The following SYN2 variants were observed in gnomAD, a reference collection of about 807,000 sequenced individuals.
The protein encoded by SYN2 is synapsin-2.
In SYN2, 19 loss-of-function variants were observed where a neutral mutation model predicts 50.9. The observed-to-expected ratio is 0.37, with a 90% CI of 0.26 to 0.55. The LOEUF (loss-of-function observed/expected upper bound fraction) is 0.55. Ranked by LOEUF, SYN2 falls within the 20% of genes least tolerant of loss-of-function variation. The pLI, the probability that SYN2 is intolerant of heterozygous loss-of-function variation, is 0.81. For missense variants in SYN2, 587 were observed against 576.4 expected (o/e 1.02, Z -0.19); for synonymous variants, 255 against 224.9 (o/e 1.13, Z -1.20).
intron 5 of SYN2, chr3:12,153,744 G>A (rs779386285): frequency 1.8e-5 from 29 of 1,610,036 alleles, no homozygotes; most frequent in African/African-American, 8.0e-5. Flanking sequence ...ATTAAAGTGA[G>A]TAGGGTGTCC....
Position 12,004,873 on chromosome 3 carries a change from G to C in SYN2, c.322G>C (p.Ala108Pro). The C allele has an allele frequency of 1.8e-6, 1 of 571,252 alleles. No homozygotes were observed. The highest frequency in any genetic ancestry group is 3.1e-6 in the Non-Finnish European group (1 of 319,152). The allele number at this position is 571,252 out of a possible 1,614,324, so 35.4% of individuals were successfully genotyped here. The change falls in exon 1 of 13, where the codon GCA (alanine) becomes CCA (proline). Residue 108 changes from alanine (A) to proline (P), a missense_variant. Ala to Pro is a conservative substitution (Grantham distance 27). Coordinates refer to ENST00000621198, the MANE Select transcript of SYN2 (RefSeq NM_133625.6). ...GGTGGACGCGCCCGCTCCCGCGCCC[G>C]CAGCCGCCAGGAAGGCCAAGGTGCT... ...GLVDAPAPAP[A>P]AARKAKVLLV...
Position 12,140,933 on chromosome 3 carries a change from G to A in SYN2, c.435+225G>A, listed in dbSNP as rs142925363. 3.4e-3 allele frequency among the ~76,000 whole-genome samples: 524 copies of A among 152,218 alleles called. 3 individuals are homozygous for A. Among genetic ancestry groups the A allele is most frequent in the African/African-American group, 0.012 (491 of 41,530 alleles). On this transcript the variant is annotated intron_variant, in intron 2 of 12. Transcript: ENST00000621198. ...TCTCTGATTCCTTTTTATGGCTCTAGTGTCTGTAGATGAGCAAGCAGTTTG... is the reference window on the plus strand; with the variant it reads ...TCTCTGATTCCTTTTTATGGCTCTAATGTCTGTAGATGAGCAAGCAGTTTG...
Position 12,103,444 on chromosome 3 carries a change from T to C in SYN2, c.378-37207T>C, listed in dbSNP as rs1425982558. ...CAATTAAAATTCTGGATTTTAGCAATAGATGTCAGTCTAAAGGGGGATGAT... is the reference window on the plus strand; with the variant it reads ...CAATTAAAATTCTGGATTTTAGCAACAGATGTCAGTCTAAAGGGGGATGAT... On this transcript the variant is annotated intron_variant, in intron 1 of 12. Transcript: ENST00000621198. Among the ~76,000 whole-genome samples, 3 of 152,284 alleles carry C rather than the reference T, an allele frequency of 2.0e-5. No homozygotes were observed. In the East Asian group the frequency reaches 5.8e-4, roughly 29 times the overall value.
chr3:12,046,394 TTG>T (rs1160855932), intron 1 of SYN2, among the ~76,000 whole-genome samples: 1 of 151,962 alleles, frequency 6.6e-6, no homozygotes, highest in Non-Finnish European at 1.5e-5. Context: ...AGACATTTCT[TTG>T]TGACTGGAAT....
intron 1 of SYN2, among the ~76,000 whole-genome samples, chr3:12,043,241 C>G (rs930934521): frequency 6.6e-6 from 1 of 152,078 alleles, no homozygotes; most frequent in Non-Finnish European, 1.5e-5. Flanking sequence ...CCAGGCTGGT[C>G]TCGAGCGCCT....
chr3:12,055,492 T>C (rs1694967926), intron 1 of SYN2, among the ~76,000 whole-genome samples: 1 of 152,178 alleles, frequency 6.6e-6, no homozygotes, highest in Admixed American at 6.5e-5. Context: ...AAATAATGGA[T>C]TTCCTTGCAT....
chr3:12,037,560 G>A (rs1212631419), intron 1 of SYN2, among the ~76,000 whole-genome samples: 1 of 152,230 alleles, frequency 6.6e-6, no homozygotes, highest in African/African-American at 2.4e-5. Context: ...GTGAGAGAGA[G>A]TGTGAGCACA....
intron 1 of SYN2, among the ~76,000 whole-genome samples, chr3:12,006,062 T>G (rs985965727): frequency 6.7e-6 from 1 of 148,726 alleles, no homozygotes; most frequent in African/African-American, 2.5e-5. Flanking sequence ...CCAGGAGGGG[T>G]GCACAGAGAG....
chr3:12,078,364 A>G (rs578180920), intron 1 of SYN2, among the ~76,000 whole-genome samples: 58 of 151,394 alleles, frequency 3.8e-4, no homozygotes, highest in Middle Eastern at 3.4e-3. Context: ...TGCTTTCATC[A>G]TGACATCTTT....
At chr3:12,188,042 A>G (rs566439277) in intron 12 of SYN2, among the ~76,000 whole-genome samples, 10 of 152,180 alleles carry the variant, frequency 6.6e-5, no homozygotes. Flanking sequence ...AAAATTTTTA[A>G]TCTTTCTGCC....
At chr3:12,164,310 C>G (rs920904939) in intron 7 of SYN2, among the ~76,000 whole-genome samples, 1 of 152,122 alleles carries the variant, frequency 6.6e-6, no homozygotes, top group Non-Finnish European at 1.5e-5. Flanking sequence ...ACAACTTAAA[C>G]TGAAGCATAA....
At position 12,040,463 on chromosome 3, in the gene SYN2, C is replaced by T. The variant is rs1574903854; in HGVS notation, c.377+35535C>T. On this transcript the variant is annotated intron_variant, in intron 1 of 12. Transcript: ENST00000621198. ...TTTTTTTTTTTTTGAGACGGAGTTT[C>T]GCTGTGTCGCTCAGGCTGGAGTGCG... 9.2e-5 allele frequency among the ~76,000 whole-genome samples: 11 copies of T among 119,298 alleles called. No individual in the cohort carries two copies. The Admixed American group carries it at 1.1e-3, about 12-fold the overall frequency. The allele number at this position is 119,298 out of a possible 152,430, so 78.3% of individuals were successfully genotyped here.
At chr3:12,027,996 T>C (rs996573686) in intron 1 of SYN2, among the ~76,000 whole-genome samples, 15 of 147,932 alleles carry the variant, frequency 1.0e-4, no homozygotes, top group African/African-American at 3.7e-4. Flanking sequence ...TTTATTTTTT[T>C]ATTTTTTTAT....
At chr3:12,096,538 A>G (rs1385264952) in intron 1 of SYN2, among the ~76,000 whole-genome samples, 1 of 152,108 alleles carries the variant, frequency 6.6e-6, no homozygotes, top group Non-Finnish European at 1.5e-5. Flanking sequence ...GACTTTTGCT[A>G]CTAGATTATA....
At chr3:12,152,763 AAG>A (rs1481967764) in intron 5 of SYN2, among the ~76,000 whole-genome samples, 1 of 152,208 alleles carries the variant, frequency 6.6e-6, no homozygotes, top group East Asian at 1.9e-4. Flanking sequence ...AGTAATTTAA[AAG>A]AGACAGAAGA....
chr3:12,036,694 G>A (rs1005429929), intron 1 of SYN2, among the ~76,000 whole-genome samples: 1 of 152,176 alleles, frequency 6.6e-6, no homozygotes, highest in Non-Finnish European at 1.5e-5. Flanking sequence ...TCATTGTCTT[G>A]ATGAATAGCA....
chr3:12,004,889 C>G lies in SYN2; in HGVS notation c.338C>G (p.Ala113Gly). The G allele has an allele frequency of 1.7e-6, 1 of 585,334 alleles. No homozygotes were observed. The highest frequency in any genetic ancestry group is 3.1e-6 in the Non-Finnish European group (1 of 327,160). The allele number at this position is 585,334 out of a possible 1,614,324, so 36.3% of individuals were successfully genotyped here. A position where few individuals can be genotyped will look rare whatever the true frequency, so the allele number is the denominator to read the frequency against. ...CCCGCGCCCGCAGCCGCCAGGAAGG[C>G]CAAGGTGCTGCTGGTGGTCGACGAG... Reference protein sequence around the residue: ...PAPAPAAARKAKVLLVVDEPH... With the variant: ...PAPAPAAARKGKVLLVVDEPH... Residue 113 changes from alanine (A) to glycine (G), a missense_variant, in exon 1 of 13, where the codon GCC becomes GGC. By Grantham distance (60) the Ala-to-Gly change is moderately conservative. Transcript: ENST00000621198.
intron 1 of SYN2, among the ~76,000 whole-genome samples, chr3:12,128,632 C>T (rs1275906790): frequency 1.3e-5 from 2 of 151,936 alleles, no homozygotes; most frequent in African/African-American, 2.4e-5. Context: ...TGACTTATAC[C>T]TAAAATAGAA....
At position 12,055,458 on chromosome 3, in the gene SYN2, CTT is replaced by C. The variant is rs60028951; in HGVS notation, c.377+50531_377+50532del. ...GAAGTTATCAAATGAAGAGAATAAACTTAAAGGAAAAAAGAAATATGAAAAAT... is the reference window on the plus strand; with the variant it reads ...GAAGTTATCAAATGAAGAGAATAAACAAAGGAAAAAAGAAATATGAAAAAT... On this transcript the variant is annotated intron_variant, in intron 1 of 12. Coordinates refer to ENST00000621198, the MANE Select transcript of SYN2 (RefSeq NM_133625.6). 6.9e-3 allele frequency among the ~76,000 whole-genome samples: 1,037 copies of C among 150,420 alleles called. 9 individuals are homozygous for C. Among genetic ancestry groups the C allele is most frequent in the African/African-American group, 0.024 (982 of 40,172 alleles).
Sources: gnomAD v4.1 joint callset for allele counts (sites outside exome capture counted in the v4.1 genomes callset) on GRCh38, gnomAD v4.1.1 for gene constraint, MANE v1.5 for transcripts, NCBI Gene and HGNC (gene_info 2026-07-23, HGNC 2026-07-21) for gene names.